PCDHA12: variants seen among roughly 807,000 people sequenced by gnomAD.
PCDHA12 encodes protocadherin alpha-12.
In PCDHA12, 44 loss-of-function variants were observed where a neutral mutation model predicts 60.0. The ratio of observed to expected loss-of-function variants is 0.73; its 90% CI spans 0.58 to 0.94. The LOEUF is 0.94. Among genes scored for constraint, PCDHA12 ranks in the 40% least tolerant of loss-of-function variants. The probability of loss-of-function intolerance (pLI) is 0.00; values close to 1 mark genes in which losing one functional copy is unlikely to be tolerated. For missense variants in PCDHA12, 1,276 were observed against 1,239.7 expected (o/e 1.03, Z -0.44); for synonymous variants, 569 against 553.0 (o/e 1.03, Z -0.40).
chr5:140,970,405 C>T (rs1361647284), intron 1 of PCDHA12, among the ~76,000 whole-genome samples: 1 of 152,120 alleles, frequency 6.6e-6, no homozygotes, highest in Non-Finnish European at 1.5e-5. Flanking sequence ...GATGGCTTAC[C>T]CTACAGTAAG....
chr5:140,962,889 A>G (rs1554226313), intron 1 of PCDHA12, among the ~76,000 whole-genome samples: 2 of 152,220 alleles, frequency 1.3e-5, no homozygotes, highest in Admixed American at 6.5e-5. Flanking sequence ...GAATTAAAAA[A>G]TGAAAACTAG....
At chr5:140,989,315 C>T (rs1285439327) in intron 3 of PCDHA12, among the ~76,000 whole-genome samples, 1 of 152,130 alleles carries the variant, frequency 6.6e-6, no homozygotes, top group East Asian at 1.9e-4. Flanking sequence ...AGTAGGGTCT[C>T]ACCAACTTTG....
At chr5:140,914,501 C>T (rs1231907689) in intron 1 of PCDHA12, among the ~76,000 whole-genome samples, 1 of 152,084 alleles carries the variant, frequency 6.6e-6, no homozygotes, top group African/African-American at 2.4e-5. Context: ...GGCAACAGAT[C>T]ATTGGGTCAT....
intron 1 of PCDHA12, among the ~76,000 whole-genome samples, chr5:140,947,645 A>AT (rs2094157342): frequency 6.6e-6 from 1 of 151,670 alleles, no homozygotes; most frequent in East Asian, 1.9e-4. Context: ...GTATGAACAT[A>AT]TATACCTCCA....
Position 140,883,957 on chromosome 5 carries a change from G to A in PCDHA12, c.2367+6118G>A, listed in dbSNP as rs879988838. ...TGCTGGACGAGAACGACAACGCTCC[G>A]GCGCTGCTGACGCCCGGGGCTGGCA... On this transcript the variant is annotated intron_variant, in intron 1 of 3. Coordinates refer to ENST00000398631, the MANE Select transcript of PCDHA12 (RefSeq NM_018903.4). 10 of 1,613,246 alleles carry A rather than the reference G, an allele frequency of 6.2e-6. No individual in the cohort carries two copies. In the East Asian group the frequency reaches 1.3e-4, roughly 22 times the overall value.
chr5:140,888,322 C>T (rs983342995), intron 1 of PCDHA12, among the ~76,000 whole-genome samples: 23 of 152,148 alleles, frequency 1.5e-4, no homozygotes, highest in African/African-American at 5.6e-4. Context: ...TGCCTGGATA[C>T]ATTTTTGGTT....
At chr5:140,883,502 G>T in intron 1 of PCDHA12, 1 of 1,614,160 alleles carries the variant, frequency 6.2e-7, no homozygotes, top group Non-Finnish European at 8.5e-7. Context: ...GCTGGACAGC[G>T]CCCTGGACCG....
chr5:140,900,151 G>A lies in PCDHA12; in HGVS notation c.2367+22312G>A, dbSNP rs114795695. On this transcript the variant is annotated intron_variant, in intron 1 of 3. Coordinates refer to ENST00000398631, the MANE Select transcript of PCDHA12 (RefSeq NM_018903.4). ...GTACCACAAATAAGTAAGAACATAC[G>A]ATATTTGTCTTTCTGTGCCTGGTTT... is the stretch of plus-strand genomic sequence containing the variant. Among the ~76,000 whole-genome samples, 787 of 152,242 alleles carry A rather than the reference G, an allele frequency of 5.2e-3. 9 individuals carry two copies. Among genetic ancestry groups the A allele is most frequent in the African/African-American group, 0.018 (746 of 41,554 alleles).
intron 1 of PCDHA12, among the ~76,000 whole-genome samples, chr5:140,977,204 A>G (rs1051271481): frequency 9.9e-5 from 15 of 152,170 alleles, no homozygotes; most frequent in Non-Finnish European, 1.6e-4. Context: ...AGTTGCAGCA[A>G]TTTTCATCAT....
At chr5:140,995,548 C>T (rs1554254718) in intron 3 of PCDHA12, among the ~76,000 whole-genome samples, 2 of 152,200 alleles carry the variant, frequency 1.3e-5, no homozygotes, top group Non-Finnish European at 2.9e-5. Context: ...GGGGCGATCA[C>T]TGTACTGAAT....
At chr5:140,899,175 C>G (rs1219166721) in intron 1 of PCDHA12, among the ~76,000 whole-genome samples, 2 of 152,034 alleles carry the variant, frequency 1.3e-5, no homozygotes, top group African/African-American at 4.8e-5. Flanking sequence ...AATTGAATAC[C>G]CTTTATTTCC....
chr5:140,944,255 A>G (rs1266795910), intron 1 of PCDHA12, among the ~76,000 whole-genome samples: 5 of 152,098 alleles, frequency 3.3e-5, no homozygotes, highest in African/African-American at 1.2e-4. Context: ...TGATGTGATC[A>G]CTGCTCACTG....
intron 1 of PCDHA12, among the ~76,000 whole-genome samples, chr5:140,900,759 A>G (rs1419646582): frequency 6.6e-6 from 1 of 152,044 alleles, no homozygotes; most frequent in Non-Finnish European, 1.5e-5. Context: ...TGGTAGCTCT[A>G]TTTTTGGCTT....
chr5:140,929,291 A>G (rs782335969), intron 1 of PCDHA12: 19 of 1,596,972 alleles, frequency 1.2e-5, no homozygotes, highest in Non-Finnish European at 1.6e-5. Flanking sequence ...CAGATTCGGA[A>G]TAGGAAAGGG....
intron 1 of PCDHA12, among the ~76,000 whole-genome samples, chr5:140,913,111 T>C (rs2076211610): frequency 6.6e-6 from 1 of 152,194 alleles, no homozygotes; most frequent in Non-Finnish European, 1.5e-5. Context: ...TAGAATCAGT[T>C]TGGAAGTTAA....
At position 140,966,546 on chromosome 5, in the gene PCDHA12, C is replaced by G. The variant is rs549303882; in HGVS notation, c.2368-12403C>G. The G allele has an allele frequency of 3.9e-5, 18 of 466,228 alleles. No individual in the cohort carries two copies. The Admixed American group carries it at 6.1e-4, about 16-fold the overall frequency. 28.9% of individuals were successfully genotyped at this position (466,228 alleles called of 1,614,324 possible). On this transcript the variant is annotated intron_variant, in intron 1 of 3. Coordinates refer to ENST00000398631, the MANE Select transcript of PCDHA12 (RefSeq NM_018903.4). ...CGAGCCGGGTTGAGCGACTCGGAGGCGAGCGGAGGAGCTGGAATATGGGGA... is the reference window on the plus strand; with the variant it reads ...CGAGCCGGGTTGAGCGACTCGGAGGGGAGCGGAGGAGCTGGAATATGGGGA...
At position 141,009,807 on chromosome 5, in the gene PCDHA12, T is replaced by C. The variant is rs1554262456; in HGVS notation, c.2696T>C (p.Ile899Thr). ...CGGCAGGAGCCTACTAACAGCCAAA[T>C]TGACAAAAGTGACTTCATAACCTTC... is the stretch of plus-strand genomic sequence containing the variant. ...SIRQEPTNSQIDKSDFITFGK... is the reference protein window; with the variant it reads ...SIRQEPTNSQTDKSDFITFGK... Residue 899 changes from isoleucine to threonine, a missense_variant, in exon 4 of 4, where the codon ATT (isoleucine) becomes ACT (threonine). Ile to Thr is a moderately conservative substitution (Grantham distance 89). Transcript: ENST00000398631. 9.9e-6 allele frequency: 16 copies of C among 1,613,824 alleles called. No homozygotes were observed. Among genetic ancestry groups the C allele is most frequent in the South Asian group, 1.1e-5 (1 of 91,066 alleles).
At chr5:140,990,537 A>G (rs2097398813) in intron 3 of PCDHA12, among the ~76,000 whole-genome samples, 1 of 152,192 alleles carries the variant, frequency 6.6e-6, no homozygotes, top group Non-Finnish European at 1.5e-5. Flanking sequence ...TGTGCATCAT[A>G]GATACTGTAT....
At chr5:140,908,578 GTAGT>G (rs1554193408) in intron 1 of PCDHA12, among the ~76,000 whole-genome samples, 1 of 152,196 alleles carries the variant, frequency 6.6e-6, no homozygotes, top group African/African-American at 2.4e-5. Flanking sequence ...CAAAAGGAGA[GTAGT>G]TAGCTGCAGA....
Sources: gnomAD v4.1 joint callset for allele counts (sites outside exome capture counted in the v4.1 genomes callset) on GRCh38, gnomAD v4.1.1 for gene constraint, MANE v1.5 for transcripts, NCBI Gene and HGNC (gene_info 2026-07-23, HGNC 2026-07-21) for gene names.